DCLRE1C: variants seen among roughly 807,000 people sequenced by gnomAD.
DCLRE1C encodes the protein DNA cross-link repair 1C, also known as protein artemis.
In DCLRE1C, 47 loss-of-function variants were observed where a neutral mutation model predicts 61.4. The observed-to-expected ratio is 0.77, with a 90% CI of 0.61 to 0.98. The LOEUF (loss-of-function observed/expected upper bound fraction) is 0.98, where lower values mean the gene tolerates loss of function less well. Ranked by LOEUF, DCLRE1C falls within the 50% of genes least tolerant of loss-of-function variation. The pLI, the probability that DCLRE1C is intolerant of heterozygous loss-of-function variation, is 0.00. For synonymous variants in DCLRE1C, 337 were observed against 287.6 expected (o/e 1.17, Z -1.74); for missense variants, 858 against 816.0 (o/e 1.05, Z -0.63).
chr10:14,908,187 T>TTTTTTA lies in DCLRE1C; in HGVS notation c.*220_*221insTAAAAA, dbSNP rs1834628701. On this transcript the variant is annotated 3_prime_UTR_variant, in exon 14 of 14. Coordinates refer to ENST00000378278, the MANE Select transcript of DCLRE1C (RefSeq NM_001033855.3). ...TGGCTTTTTTTTTTTTTTTTTTTTT[T>TTTTTTA]GTAAGTAGAGACACATTTCACTGTG... is the stretch of plus-strand genomic sequence containing the variant. 8.7e-6 allele frequency: 2 copies of TTTTTTA among 230,606 alleles called. No homozygotes were observed. The highest frequency in any genetic ancestry group is 2.5e-5 in the African/African-American group (1 of 39,982). The allele number at this position is 230,606 out of a possible 1,614,324, so 14.3% of individuals were successfully genotyped here. A position where few individuals can be genotyped will look rare whatever the true frequency, so the allele number is the denominator to read the frequency against.
chr10:14,934,872 G>C (rs1839646203), intron 6 of DCLRE1C, 97 bp from the exon 7 acceptor site: 3 of 860,954 alleles, frequency 3.5e-6, no homozygotes, highest in Admixed American at 1.8e-5. Flanking sequence ...CTGTTGCCCA[G>C]GCTGAAGTGC....
At chr10:14,914,034 A>T (rs1279442783) in intron 13 of DCLRE1C, among the ~76,000 whole-genome samples, 1 of 152,238 alleles carries the variant, frequency 6.6e-6, no homozygotes, top group Non-Finnish European at 1.5e-5. Context: ...GCAAGAGGAT[A>T]AACTTAAACC....
At chr10:14,901,048 C>T, downstream of DCLRE1C, 1 of 1,517,988 alleles carries the variant, frequency 6.6e-7, no homozygotes, top group Non-Finnish European at 8.9e-7. Flanking sequence ...AACTAAATCT[C>T]TAGGAAAGTA....
chr10:14,920,846 G>A (rs1836978676), intron 12 of DCLRE1C, among the ~76,000 whole-genome samples: 1 of 151,660 alleles, frequency 6.6e-6, no homozygotes. Context: ...GCCAGGTGTG[G>A]TGGTGGGCGC....
At chr10:14,930,401 G>A (rs1262903493) in intron 9 of DCLRE1C, among the ~76,000 whole-genome samples, 4 of 149,458 alleles carry the variant, frequency 2.7e-5, no homozygotes, top group Non-Finnish European at 4.4e-5. Context: ...CCAAAGTGCT[G>A]GGATTACAGA....
At chr10:14,918,638 A>AG (rs956382069) in intron 13 of DCLRE1C, among the ~76,000 whole-genome samples, 1 of 151,920 alleles carries the variant, frequency 6.6e-6, no homozygotes, top group African/African-American at 2.4e-5. Context: ...TTAAAAAAAA[A>AG]AAAAAAGAAA....
intron 13 of DCLRE1C, among the ~76,000 whole-genome samples, chr10:14,915,603 T>TA (rs1258084107): frequency 6.6e-6 from 1 of 151,158 alleles, no homozygotes; most frequent in African/African-American, 2.4e-5. Flanking sequence ...ATAACCTGAA[T>TA]AGTCCTGTGC....
At chr10:14,950,953 T>A (rs753528122) in intron 1 of DCLRE1C, among the ~76,000 whole-genome samples, 1 of 152,054 alleles carries the variant, frequency 6.6e-6, no homozygotes, top group Non-Finnish European at 1.5e-5. Flanking sequence ...GTCTCAGGGG[T>A]CGGGGGGCCC....
At chr10:14,947,958 C>G (rs1015490900) in intron 2 of DCLRE1C, among the ~76,000 whole-genome samples, 4 of 152,106 alleles carry the variant, frequency 2.6e-5, no homozygotes, top group African/African-American at 9.7e-5. Context: ...ACTCCGGTGG[C>G]TGAGGCAAAA....
intron 13 of DCLRE1C, among the ~76,000 whole-genome samples, chr10:14,914,488 G>A (rs1037653840): frequency 2.0e-5 from 3 of 152,180 alleles, no homozygotes; most frequent in South Asian, 2.1e-4. Context: ...TAGAAGACCT[G>A]AACAACATTG....
At chr10:14,939,125 GA>G (rs1334956435) in intron 4 of DCLRE1C, among the ~76,000 whole-genome samples, 1 of 152,044 alleles carries the variant, frequency 6.6e-6, no homozygotes, top group Non-Finnish European at 1.5e-5. Context: ...AGGACACAGG[GA>G]AAAAGACAGC....
At chr10:14,933,027 C>T (rs1839290049) in intron 8 of DCLRE1C, 72 bp from the exon 9 acceptor site, 1 of 1,513,448 alleles carries the variant, frequency 6.6e-7, no homozygotes, top group Non-Finnish European at 9.2e-7. Context: ...GTTAATTACT[C>T]AGGGCAAAAC....
intron 10 of DCLRE1C, among the ~76,000 whole-genome samples, chr10:14,927,662 A>G (rs895148355): frequency 6.6e-6 from 1 of 151,946 alleles, no homozygotes; most frequent in African/African-American, 2.4e-5. Flanking sequence ...TTAAACAGCC[A>G]AAGTTAAGGA....
At chr10:14,915,659 A>T (rs1442840508) in intron 13 of DCLRE1C, among the ~76,000 whole-genome samples, 3 of 151,582 alleles carry the variant, frequency 2.0e-5, no homozygotes, top group Non-Finnish European at 4.4e-5. Flanking sequence ...AAACCTTCCC[A>T]CAAAGAAAAC....
chr10:14,927,576 G>C (rs902036213), intron 10 of DCLRE1C, among the ~76,000 whole-genome samples: 1 of 145,866 alleles, frequency 6.9e-6, no homozygotes, highest in Non-Finnish European at 1.5e-5. Context: ...GAGGGAGTGG[G>C]GGGGGAGAAA....
chr10:14,923,897 C>G (rs1234294259), intron 11 of DCLRE1C, among the ~76,000 whole-genome samples: 1 of 152,190 alleles, frequency 6.6e-6, no homozygotes, highest in Non-Finnish European at 1.5e-5. Flanking sequence ...AAAGACCAAG[C>G]AAGATCAAAT....
intron 1 of DCLRE1C, among the ~76,000 whole-genome samples, chr10:14,949,786 T>C (rs1589161521): frequency 6.6e-6 from 1 of 152,392 alleles, no homozygotes; most frequent in Non-Finnish European, 1.5e-5. Flanking sequence ...GGCTCTTGCC[T>C]GTAATCCCAA....
downstream of DCLRE1C, chr10:14,901,111 G>A (rs1299407499): frequency 3.1e-6 from 5 of 1,612,238 alleles, no homozygotes; most frequent in Non-Finnish European, 4.2e-6. Flanking sequence ...GTACTTAAAT[G>A]GGTTCTAATG....
In DCLRE1C at chr10:14,932,978, G is replaced by A. The variant is rs760242095; in HGVS notation, c.679-23C>T. ...AACCTAAGGCAAATAATACATACAT[G>A]CAAATTATGTGAAATGTATTTCCTA... On this transcript the variant is annotated intron_variant, in intron 8 of 13. Coordinates refer to ENST00000378278, the MANE Select transcript of DCLRE1C (RefSeq NM_001033855.3). 1.7e-5 allele frequency: 28 copies of A among 1,602,536 alleles called. No homozygotes were observed. In the South Asian group the frequency reaches 2.8e-4, roughly 16 times the overall value.
Sources: allele counts gnomAD v4.1 joint callset (sites outside exome capture counted in the v4.1 genomes callset), GRCh38; gene constraint gnomAD v4.1.1; transcripts MANE v1.5; gene names NCBI Gene and HGNC (gene_info 2026-07-23, HGNC 2026-07-21).